Variants in FHIT observed in about 807,000 individuals in gnomAD.
FHIT encodes the protein fragile histidine triad diadenosine triphosphatase.
In FHIT, 19 loss-of-function variants were observed where a neutral mutation model predicts 17.9. The ratio of observed to expected loss-of-function variants is 1.06; its 90% CI spans 0.74 to 1.56. The LOEUF is 1.56. Ranked by LOEUF, FHIT falls within the 40% of genes most tolerant of loss-of-function variation. The pLI is 0.00. For synonymous variants in FHIT, 81 were observed against 69.7 expected (o/e 1.16, Z -0.81); for missense variants, 248 against 189.2 (o/e 1.31, Z -1.82).
chr3:60,928,366 TTAAAAAAAAAAAA>T (rs1559838752), intron 3 of FHIT, among the ~76,000 whole-genome samples: 1 of 89,226 alleles, frequency 1.1e-5, no homozygotes, highest in African/African-American at 4.8e-5. Flanking sequence ...TGAAAGAACT[TTAAAAAAAAAAAA>T]GAAAAAAAAA....
intron 5 of FHIT, among the ~76,000 whole-genome samples, chr3:60,452,741 C>G (rs980176361): frequency 6.6e-6 from 1 of 152,092 alleles, no homozygotes; most frequent in African/African-American, 2.4e-5. Context: ...TAGCTGGTCC[C>G]TGAAGAGTTA....
chr3:59,931,083 T>C lies in FHIT; in HGVS notation c.280-8669A>G, dbSNP rs529511765. On this transcript the variant is annotated intron_variant, in intron 7 of 9. Coordinates refer to ENST00000492590, the MANE Select transcript of FHIT (RefSeq NM_002012.4). The stretch of plus-strand genomic sequence containing the variant: ...CCAACGCATAAGACTTTTATACCGA[T>C]TATGTGAAATACATAGGTAAAGTGC... Among the ~76,000 whole-genome samples, 24 of 152,360 alleles carry C rather than the reference T, an allele frequency of 1.6e-4. No homozygotes were observed. In the East Asian group the frequency reaches 4.4e-3, roughly 28 times the overall value.
chr3:60,876,712 T>C (rs1350955409), intron 3 of FHIT, among the ~76,000 whole-genome samples: 3 of 152,166 alleles, frequency 2.0e-5, no homozygotes, highest in African/African-American at 7.2e-5. Flanking sequence ...AAACTTAAGT[T>C]TAGGGGAGCA....
At chr3:60,547,526 G>A (rs1448863455) in intron 4 of FHIT, among the ~76,000 whole-genome samples, 2 of 151,728 alleles carry the variant, frequency 1.3e-5, no homozygotes, top group African/African-American at 4.8e-5. Flanking sequence ...CTTTTATTTG[G>A]GACTAAAAAT....
chr3:60,655,593 G>T (rs1044743030), intron 4 of FHIT, among the ~76,000 whole-genome samples: 1 of 152,004 alleles, frequency 6.6e-6, no homozygotes, highest in African/African-American at 2.4e-5. Context: ...GGGTTTGGAG[G>T]GTAAGCACAT....
chr3:60,574,961 T>C (rs1257397210), intron 4 of FHIT, among the ~76,000 whole-genome samples: 1 of 152,006 alleles, frequency 6.6e-6, no homozygotes, highest in Non-Finnish European at 1.5e-5. Context: ...CTGAGCTTCT[T>C]GAGGTTGGGA....
At chr3:60,507,177 G>A (rs1164475038) in intron 5 of FHIT, among the ~76,000 whole-genome samples, 1 of 152,162 alleles carries the variant, frequency 6.6e-6, no homozygotes, top group African/African-American at 2.4e-5. Context: ...TCTAGAAGAA[G>A]GGATACGTGA....
chr3:60,212,667 G>T (rs1287001182), intron 5 of FHIT, among the ~76,000 whole-genome samples: 1 of 152,036 alleles, frequency 6.6e-6, no homozygotes. Flanking sequence ...TATGGGGAGA[G>T]GAATATTATT....
chr3:59,782,211 C>T (rs2106884921), intron 8 of FHIT, among the ~76,000 whole-genome samples: 1 of 152,294 alleles, frequency 6.6e-6, no homozygotes, highest in African/African-American at 2.4e-5. Context: ...GCCTCGGCCT[C>T]CCAAAGTGCT....
At chr3:59,874,506 A>G (rs936366783) in intron 8 of FHIT, among the ~76,000 whole-genome samples, 1 of 152,126 alleles carries the variant, frequency 6.6e-6, no homozygotes, top group Admixed American at 6.5e-5. Context: ...CCAAGTTCCC[A>G]GGTGATGCTG....
chr3:59,896,955 G>A (rs1704098699), intron 8 of FHIT, among the ~76,000 whole-genome samples: 1 of 152,130 alleles, frequency 6.6e-6, no homozygotes, highest in Non-Finnish European at 1.5e-5. Flanking sequence ...GGGAGGGTGA[G>A]TTGATGGTAG....
chr3:60,869,878 T>C (rs1204661084), intron 3 of FHIT, among the ~76,000 whole-genome samples: 1 of 152,142 alleles, frequency 6.6e-6, no homozygotes, highest in Non-Finnish European at 1.5e-5. Context: ...CGAAGAGGAA[T>C]GTCTGTTCTT....
chr3:59,956,145 A>T (rs1403752984), intron 7 of FHIT, among the ~76,000 whole-genome samples: 4 of 152,112 alleles, frequency 2.6e-5, no homozygotes, highest in Non-Finnish European at 5.9e-5. Flanking sequence ...CAGGGCCCTC[A>T]CATGTGTTGC....
chr3:60,982,365 T>C (rs1320107694), intron 3 of FHIT, among the ~76,000 whole-genome samples: 1 of 152,226 alleles, frequency 6.6e-6, no homozygotes, highest in Non-Finnish European at 1.5e-5. Flanking sequence ...GCCAGCTTCT[T>C]AGCTTCCCTG....
chr3:60,191,468 C>T (rs1431657554), intron 5 of FHIT, among the ~76,000 whole-genome samples: 4 of 152,124 alleles, frequency 2.6e-5, no homozygotes, highest in Non-Finnish European at 5.9e-5. Context: ...AATGAACATA[C>T]CATACGAACA....
At position 60,163,953 on chromosome 3, in the gene FHIT, G is replaced by A. The variant is rs543819460; in HGVS notation, c.104-149801C>T. Among the ~76,000 whole-genome samples the A allele has an allele frequency of 5.9e-5, 9 of 152,220 alleles. No individual in the cohort carries two copies. The South Asian group carries it at 6.2e-4, about 11-fold the overall frequency. ...GTCATTCTTTGACCATCTCCTCCAC[G>A]TGAAAATGAGTTTCTTAAAGGCAGA... is the stretch of plus-strand genomic sequence containing the variant. On this transcript the variant is annotated intron_variant, in intron 5 of 9. Coordinates refer to ENST00000492590, the MANE Select transcript of FHIT (RefSeq NM_002012.4).
intron 5 of FHIT, among the ~76,000 whole-genome samples, chr3:60,312,776 G>A (rs923476312): frequency 8.5e-5 from 13 of 152,054 alleles, no homozygotes; most frequent in Middle Eastern, 3.2e-3. Flanking sequence ...ATATACATAC[G>A]TATATACACA....
rs141520258 is a variant in FHIT at position 60,068,912 on chromosome 3, T to C, written c.104-54760A>G. Among the ~76,000 whole-genome samples the C allele has an allele frequency of 3.3e-5, 5 of 152,318 alleles. No homozygotes were observed. The East Asian group carries it at 9.6e-4, about 29-fold the overall frequency. ...AATACATAAAACATATGTACAAGGA[T>C]GTTTATTGTAAGACTGTTTCTCTAT... On this transcript the variant is annotated intron_variant, in intron 5 of 9. Coordinates refer to ENST00000492590, the MANE Select transcript of FHIT (RefSeq NM_002012.4).
At chr3:60,005,014 C>G (rs192672040) in intron 7 of FHIT, among the ~76,000 whole-genome samples, 96 of 152,226 alleles carry the variant, frequency 6.3e-4, no homozygotes, top group African/African-American at 2.3e-3. Flanking sequence ...GAAAGGTTAA[C>G]TCGCCCAGGG....
Sources: gnomAD v4.1 joint callset for allele counts (sites outside exome capture counted in the v4.1 genomes callset) on GRCh38, gnomAD v4.1.1 for gene constraint, MANE v1.5 for transcripts, NCBI Gene and HGNC (gene_info 2026-07-23, HGNC 2026-07-21) for gene names.